The following ACACA variants were observed in gnomAD, a reference collection of about 807,000 sequenced individuals.
The protein encoded by ACACA is acetyl-CoA carboxylase 1.
Under a neutral mutation model 296.1 loss-of-function variants are expected in ACACA, and 103 were observed. The ratio of observed to expected loss-of-function variants is 0.35; its 90% confidence interval spans 0.30 to 0.41. ACACA has a LOEUF of 0.41. Among genes scored for constraint, ACACA ranks in the 10% least tolerant of loss-of-function variants. The pLI is 1.00. For missense variants in ACACA, 1,554 were observed against 2,989.7 expected (o/e 0.52, Z 11.20); for synonymous variants, 953 against 1,038.6 (o/e 0.92, Z 1.58).
intron 2 of ACACA, among the ~76,000 whole-genome samples, chr17:37,332,151 G>A (rs867785605): frequency 6.6e-6 from 1 of 151,080 alleles, no homozygotes; most frequent in Non-Finnish European, 1.5e-5. Flanking sequence ...AAACCATCAT[G>A]ACACGTGTTT....
rs116579840 is a variant in ACACA, at chr17:37,129,601, T to G, written c.5824-116A>C. On this transcript the variant is annotated intron_variant, in intron 46 of 55. Coordinates refer to ENST00000616317, the MANE Select transcript of ACACA (RefSeq NM_198834.3). ...GGCCCACGTATGGAATTGCACCCAATAGTCCCAATCTTCAGCTGGAAGAAT... is the reference window on the plus strand; with the variant it reads ...GGCCCACGTATGGAATTGCACCCAAGAGTCCCAATCTTCAGCTGGAAGAAT... The G allele has an allele frequency of 2.8e-3, 3,851 of 1,356,134 alleles. 98 individuals are homozygous for G. In the African/African-American group the frequency reaches 0.049, roughly 17 times the overall value. 84.0% of individuals were successfully genotyped at this position (1,356,134 alleles called of 1,614,324 possible). A position where few individuals can be genotyped will look rare whatever the true frequency, so the allele number is the denominator to read the frequency against.
At chr17:37,390,326 A>ATCTATC (rs2050812843) in intron 1 of ACACA, among the ~76,000 whole-genome samples, 5 of 72,910 alleles carry the variant, frequency 6.9e-5, no homozygotes, top group Non-Finnish European at 1.1e-4. Context: ...ATATATATAT[A>ATCTATC]TATATATAAA....
At chr17:37,379,938 G>T (rs1343058996) in intron 1 of ACACA, among the ~76,000 whole-genome samples, 1 of 148,700 alleles carries the variant, frequency 6.7e-6, no homozygotes, top group East Asian at 2.0e-4. Context: ...TATACCCAAA[G>T]GACTATAAAT....
At chr17:37,311,937 C>T (rs537344483) in intron 3 of ACACA, among the ~76,000 whole-genome samples, 5 of 151,530 alleles carry the variant, frequency 3.3e-5, no homozygotes, top group Middle Eastern at 3.4e-3. Flanking sequence ...GCAGAGGCAG[C>T]ATTTCAGAAG....
chr17:37,268,719 ATCTATCTATC>A (rs1357529702), intron 10 of ACACA, among the ~76,000 whole-genome samples: 1 of 109,096 alleles, frequency 9.2e-6, no homozygotes, highest in African/African-American at 4.0e-5. Context: ...ATCTATATCT[ATCTATCTATC>A]TATCTATCTA....
rs9896763 is a variant in ACACA, at chr17:37,208,530, C to T, written c.3708-730G>A. Among the ~76,000 whole-genome samples, 1,477 of 151,952 alleles carry T rather than the reference C, an allele frequency of 9.7e-3. 22 individuals carry two copies. The highest frequency in any genetic ancestry group is 0.034 in the African/African-American group (1,405 of 41,446). On this transcript the variant is annotated intron_variant, in intron 30 of 55. Transcript: ENST00000616317. ...ATAGTTAAGCACTTCTATACCAAAA[C>T]AAAAAAATCTCCATTGAAAGCCCTT...
chr17:37,209,594 T>C (rs759933018), intron 30 of ACACA, among the ~76,000 whole-genome samples: 1 of 152,200 alleles, frequency 6.6e-6, no homozygotes, highest in Non-Finnish European at 1.5e-5. Flanking sequence ...AGCATTCCCT[T>C]TCCTCTCCAC....
chr17:37,281,866 A>G (rs539901368), intron 5 of ACACA, among the ~76,000 whole-genome samples: 2 of 152,338 alleles, frequency 1.3e-5, no homozygotes, highest in East Asian at 3.9e-4. Context: ...CTCCCTCTCA[A>G]AAGAAAAAAG....
chr17:37,333,172 A>G (rs1199355153), intron 2 of ACACA, among the ~76,000 whole-genome samples: 2 of 152,176 alleles, frequency 1.3e-5, no homozygotes, highest in African/African-American at 4.8e-5. Context: ...AAATATATAT[A>G]CAGACTCTAA....
chr17:37,154,846 T>G (rs1006480869), intron 43 of ACACA, among the ~76,000 whole-genome samples: 1 of 152,160 alleles, frequency 6.6e-6, no homozygotes, highest in African/African-American at 2.4e-5. Context: ...TATAAAAACA[T>G]TCAACTTCAC....
intron 52 of ACACA, among the ~76,000 whole-genome samples, chr17:37,098,424 C>T (rs935964643): frequency 6.6e-6 from 1 of 152,234 alleles, no homozygotes; most frequent in South Asian, 2.1e-4. Context: ...GGTGAGAGCA[C>T]CCCTAAACTC....
chr17:37,361,880 A>G (rs1474081243), intron 1 of ACACA, among the ~76,000 whole-genome samples: 2 of 152,240 alleles, frequency 1.3e-5, no homozygotes. Flanking sequence ...ACATTTCTAG[A>G]AGCTGATACT....
chr17:37,183,950 T>C (rs1322611408), intron 39 of ACACA, among the ~76,000 whole-genome samples: 1 of 150,072 alleles, frequency 6.7e-6, no homozygotes, highest in Admixed American at 6.6e-5. Flanking sequence ...CCTCCTGGGT[T>C]CAAGTAATTC....
At chr17:37,209,209 G>A (rs938514203) in intron 30 of ACACA, among the ~76,000 whole-genome samples, 2 of 152,088 alleles carry the variant, frequency 1.3e-5, no homozygotes, top group Admixed American at 1.3e-4. Flanking sequence ...CTTACACATG[G>A]TGCTCACTAG....
chr17:37,360,604 G>A (rs373457248), intron 1 of ACACA, among the ~76,000 whole-genome samples: 172 of 152,252 alleles, frequency 1.1e-3, no homozygotes, highest in Middle Eastern at 6.8e-3. Context: ...AAGTCTATAT[G>A]TAGTGTACTG....
chr17:37,151,414 T>C lies in ACACA; in HGVS notation c.5455A>G (p.Ile1819Val), dbSNP rs2076032424. ...VEDEGESRYK[I>V]TDIIGKEEGI... ...TCTTCTTTCCCAATAATATCTGTTATCTTGTACCTATTGGATATGGCCATG... is the reference window on the plus strand; with the variant it reads ...TCTTCTTTCCCAATAATATCTGTTACCTTGTACCTATTGGATATGGCCATG... Residue 1819 changes from isoleucine to valine, a missense_variant, in exon 44 of 56, where the codon ATA (isoleucine) becomes GTA (valine). By Grantham distance (29) the Ile-to-Val change is conservative. Around this residue, in one of 16 missense-constraint regions of ACACA, gnomAD observed 553 missense variants for 1,043.6 expected, o/e 0.53. Coordinates refer to ENST00000616317, the MANE Select transcript of ACACA (RefSeq NM_198834.3). 2.5e-6 allele frequency: 4 copies of C among 1,613,718 alleles called. No homozygotes were observed. The highest frequency in any genetic ancestry group is 3.4e-6 in the Non-Finnish European group (4 of 1,179,934).
chr17:37,174,018 ATATTTTT>A (rs1224121993), intron 41 of ACACA, among the ~76,000 whole-genome samples: 6 of 15,432 alleles, frequency 3.9e-4, no homozygotes, highest in Admixed American at 1.2e-3. Context: ...ATATATATAT[ATATTTTT>A]TTTTTTTTTT....
At chr17:37,216,154 A>ACC (rs2078977840) in intron 29 of ACACA, among the ~76,000 whole-genome samples, 1 of 134,898 alleles carries the variant, frequency 7.4e-6, no homozygotes, top group African/African-American at 2.9e-5. Context: ...ACACACACAC[A>ACC]CACAACATAC....
intron 54 of ACACA, among the ~76,000 whole-genome samples, chr17:37,089,568 T>C (rs1366265216): frequency 2.0e-5 from 3 of 152,192 alleles, no homozygotes; most frequent in Non-Finnish European, 4.4e-5. Flanking sequence ...GGATGAAGTC[T>C]CCTGAAATAG....
Sources: allele counts gnomAD v4.1 joint callset (sites outside exome capture counted in the v4.1 genomes callset), GRCh38; gene constraint gnomAD v4.1.1; regional missense constraint gnomAD v4.1.1; transcripts MANE v1.5; gene names NCBI Gene and HGNC (gene_info 2026-07-23, HGNC 2026-07-21).